The following MRNIP variants were observed in gnomAD, a reference collection of about 807,000 sequenced individuals.
MRNIP encodes the protein MRN complex-interacting protein.
Under a neutral mutation model 29.8 loss-of-function variants are expected in MRNIP, and 30 were observed. That is an observed-to-expected ratio of 1.01 (90% CI 0.75 to 1.36). The LOEUF (loss-of-function observed/expected upper bound fraction) is 1.36. Among genes scored for constraint, MRNIP ranks in the 40% most tolerant of loss-of-function variants. The pLI is 0.00. For synonymous variants in MRNIP, 201 were observed against 164.1 expected, an observed-to-expected ratio of 1.23 and a Z score of -1.72; for missense variants, 459 against 423.5, an observed-to-expected ratio of 1.08 and a Z score of -0.74.
intron 3 of MRNIP, chr5:179,844,453 C>T: frequency 4.4e-6 from 2 of 455,252 alleles, no homozygotes; most frequent in Non-Finnish European, 7.9e-6. Context: ...CTGCAGTGAG[C>T]CAAGATTGCT....
Position 179,848,054 on chromosome 5 carries a change from CT to C in MRNIP, c.138del (p.Gly47AlafsTer13). ...EKQSFLQAYG[E>X]GSGADCRRHV... is the part of the protein sequence containing the mutation. ...TGGCGTCTACAATCAGCACCAGAGCCTTCACCATAAGCCTGAGAAACCAAAA... is the reference window on the plus strand; with the variant it reads ...TGGCGTCTACAATCAGCACCAGAGCCTCACCATAAGCCTGAGAAACCAAAA... On this transcript the variant is annotated frameshift_variant, in exon 3 of 7. Transcript: ENST00000292586. LOFTEE classifies it high-confidence loss of function. 1 of 1,613,930 alleles carries C rather than the reference CT, an allele frequency of 6.2e-7. No individual in the cohort carries two copies. Among genetic ancestry groups the C allele is most frequent in the Non-Finnish European group, 8.5e-7 (1 of 1,179,800 alleles).
chr5:179,840,721 G>A, intron 6 of MRNIP, 151 bp downstream of exon 6: 1 of 659,504 alleles, frequency 1.5e-6, no homozygotes, highest in East Asian at 2.7e-5. Flanking sequence ...GGAAGGAGTT[G>A]GCTTCAGACA....
intron 1 of MRNIP, among the ~76,000 whole-genome samples, chr5:179,854,317 G>C (rs938636059): frequency 1.3e-5 from 2 of 152,186 alleles, no homozygotes; most frequent in African/African-American, 4.8e-5. Context: ...ACCAGGGCTG[G>C]ATCTGGCCTG....
At chr5:179,853,062 T>G (rs1007934455) in intron 2 of MRNIP, 12 of 490,366 alleles carry the variant, frequency 2.4e-5, no homozygotes, top group Middle Eastern at 3.3e-4. Flanking sequence ...TGCATTAGTT[T>G]CTCTTCCCCT....
At chr5:179,845,056 CCA>C (rs1207533002) in intron 3 of MRNIP, among the ~76,000 whole-genome samples, 3 of 152,304 alleles carry the variant, frequency 2.0e-5, no homozygotes, top group Admixed American at 1.3e-4. Flanking sequence ...TCTGTAACCT[CCA>C]CGTCTCTCAA....
intron 1 of MRNIP, among the ~76,000 whole-genome samples, chr5:179,855,019 T>G (rs756612851): frequency 2.0e-5 from 3 of 152,302 alleles, no homozygotes; most frequent in Admixed American, 2.0e-4. Flanking sequence ...TGTATAAAAA[T>G]TATAAAGGAG....
chr5:179,837,523 G>A lies in MRNIP; in HGVS notation c.900C>T (p.Cys300=), dbSNP rs760679087. ...HPVTSGSERP[C]GKTSWDARTP... ...TCCTTGCGTCCCATGAGGTCTTCCC[G>A]CAAGGCCTCTCAGACCCAGATGTGA... Residue 300 remains cysteine, a synonymous_variant, in exon 7 of 7, where the codon TGC becomes TGT. Transcript: ENST00000292586. 13 of 1,614,074 alleles carry A rather than the reference G, an allele frequency of 8.1e-6. No individual in the cohort carries two copies. The highest frequency in any genetic ancestry group is 1.6e-4 in the Middle Eastern group (1 of 6,084).
chr5:179,850,831 T>C (rs573351925), intron 2 of MRNIP, among the ~76,000 whole-genome samples: 7 of 152,272 alleles, frequency 4.6e-5, no homozygotes, highest in African/African-American at 1.7e-4. Flanking sequence ...CCTCTTTCCA[T>C]GGCACTGTCA....
intron 2 of MRNIP, among the ~76,000 whole-genome samples, chr5:179,848,620 G>C (rs1011948953): frequency 3.3e-5 from 5 of 152,166 alleles, no homozygotes; most frequent in African/African-American, 1.2e-4. Context: ...AGTGAGAAGA[G>C]ACAGGAAAGA....
At chr5:179,855,192 T>C (rs2113574616) in intron 1 of MRNIP, among the ~76,000 whole-genome samples, 1 of 152,316 alleles carries the variant, frequency 6.6e-6, no homozygotes, top group South Asian at 2.1e-4. Context: ...TTGCCCAGGC[T>C]GGAGTGCAAT....
At chr5:179,851,523 C>T (rs576756151) in intron 2 of MRNIP, 2 of 439,070 alleles carry the variant, frequency 4.6e-6, no homozygotes, top group Admixed American at 2.4e-5. Flanking sequence ...GGCTTGTTGG[C>T]AGCTTTTCAG....
At chr5:179,855,904 G>GT (rs1191193921) in intron 1 of MRNIP, among the ~76,000 whole-genome samples, 153 of 131,400 alleles carry the variant, frequency 1.2e-3, no homozygotes, top group African/African-American at 4.9e-3. Context: ...AGTAAGAAAA[G>GT]TTGTTTTTTT....
chr5:179,853,550 G>C (rs528750314), intron 1 of MRNIP, 113 bp from the exon 2 acceptor site: 1 of 762,634 alleles, frequency 1.3e-6, no homozygotes, highest in African/African-American at 1.8e-5. Flanking sequence ...GAGGCGGGCA[G>C]ATCACAAGGT....
chr5:179,855,038 C>T (rs887257312), intron 1 of MRNIP, among the ~76,000 whole-genome samples: 13 of 152,132 alleles, frequency 8.5e-5, no homozygotes, highest in African/African-American at 3.1e-4. Context: ...AGCGGAAAAC[C>T]CTATCATTAT....
chr5:179,842,151 G>C, intron 4 of MRNIP, 87 bp from the exon 5 acceptor site: 2 of 1,300,256 alleles, frequency 1.5e-6, no homozygotes, highest in Non-Finnish European at 2.2e-6. Flanking sequence ...TGGGCCTGAG[G>C]ATCTCAGGAG....
intron 2 of MRNIP, among the ~76,000 whole-genome samples, chr5:179,850,901 TCAGTGGCTAGAAGCA>T (rs35522772): frequency 0.67 from 101,392 of 151,170 alleles, 35,500 homozygotes; most frequent in African/African-American, 0.88. Context: ...CCTGCCCTTC[TCAGTGGCTAGAAGCA>T]CAGTGGCTAG....
At chr5:179,857,098 GTAAATAAA>G (rs970394247) in intron 1 of MRNIP, among the ~76,000 whole-genome samples, 2 of 151,772 alleles carry the variant, frequency 1.3e-5, no homozygotes, top group South Asian at 2.1e-4. Context: ...AAATAAATAA[GTAAATAAA>G]TAAATAAATA....
chr5:179,858,591 G>A, intron 1 of MRNIP, 140 bp downstream of exon 1: 1 of 580,798 alleles, frequency 1.7e-6, no homozygotes. Context: ...CGACCCCAAT[G>A]AGACCCGCCC....
intron 2 of MRNIP, among the ~76,000 whole-genome samples, chr5:179,849,162 G>A (rs1295767046): frequency 6.7e-6 from 1 of 148,856 alleles, no homozygotes; most frequent in Non-Finnish European, 1.5e-5. Context: ...CGGAATTTGA[G>A]AGTACGGGTC....
Sources: gnomAD v4.1 joint callset for allele counts (sites outside exome capture counted in the v4.1 genomes callset) on GRCh38, gnomAD v4.1.1 for gene constraint, MANE v1.5 for transcripts, NCBI Gene and HGNC (gene_info 2026-07-23, HGNC 2026-07-21) for gene names.